The following SLC1A5 variants were observed in gnomAD, a reference collection of about 807,000 sequenced individuals.
SLC1A5 encodes solute carrier family 1 member 5.
A neutral mutation model predicts 34.9 loss-of-function variants in SLC1A5; 25 were observed. That is an observed-to-expected ratio of 0.72 (90% CI 0.52 to 1.00). SLC1A5 has a LOEUF of 1.00. SLC1A5 is among the 50% of genes least tolerant of loss of function. The probability of loss-of-function intolerance (pLI) is 0.00; values close to 1 mark genes in which losing one functional copy is unlikely to be tolerated. For synonymous variants in SLC1A5, 351 were observed against 341.2 expected, an observed-to-expected ratio of 1.03 and a Z score of -0.32; for missense variants, 637 against 740.0, an observed-to-expected ratio of 0.86 and a Z score of 1.61.
chr19:46,784,206 A>C (rs1021176110), intron 2 of SLC1A5, 62 bp from the exon 3 acceptor site: 4 of 1,256,068 alleles, frequency 3.2e-6, no homozygotes, highest in East Asian at 2.3e-5. Flanking sequence ...ACCCCATGCC[A>C]AGCTAACAAT....
chr19:46,782,850 AC>A (rs754825810), intron 3 of SLC1A5, among the ~76,000 whole-genome samples: 16 of 152,252 alleles, frequency 1.1e-4, no homozygotes, highest in Admixed American at 2.6e-4. Context: ...CTGAGCTGAG[AC>A]CTGGAGGACA....
intron 4 of SLC1A5, 145 bp from the exon 5 acceptor site, chr19:46,779,053 C>G: frequency 1.7e-6 from 1 of 603,470 alleles, no homozygotes; most frequent in Admixed American, 3.2e-5. Flanking sequence ...GGGCACCACT[C>G]CCAGGCCTGG....
intron 1 of SLC1A5, among the ~76,000 whole-genome samples, chr19:46,786,590 T>A (rs2055188134): frequency 6.6e-6 from 1 of 152,094 alleles, no homozygotes; most frequent in Non-Finnish European, 1.5e-5. Flanking sequence ...TTCCCCCAAC[T>A]TCCAGGAAGT....
Position 46,784,139 on chromosome 19 carries a change from A to G in SLC1A5, c.615T>C (p.Ser205=), listed in dbSNP as rs1296574191. ...TGATATTCCTCTCTTCATAGGTGGT[A>G]GAGTACTGTAGGTGGGGTTGGGAAG... ...NLVSAAFRSY[S]TTYEERNITG... Residue 205 remains serine, a synonymous_variant, in exon 3 of 8, where the codon TCT becomes TCC. Coordinates refer to ENST00000542575, the MANE Select transcript of SLC1A5 (RefSeq NM_005628.3). 5 of 1,612,998 alleles carry G rather than the reference A, an allele frequency of 3.1e-6. No homozygotes were observed. The highest frequency in any genetic ancestry group is 3.3e-5 in the Admixed American group (2 of 59,976).
At chr19:46,776,916 CTCA>C in intron 7 of SLC1A5, 56 bp downstream of exon 7, 1 of 1,555,780 alleles carries the variant, frequency 6.4e-7, no homozygotes, top group Non-Finnish European at 8.8e-7. Flanking sequence ...CTCTCACTCA[CTCA>C]TCCTCTTTCC....
At position 46,775,214 on chromosome 19, in the gene SLC1A5, G is replaced by A. The variant is rs1034698891; in HGVS notation, c.*296C>T. ...GTGACCTGCTCCCTGAGACAGGGGA[G>A]GCCAGGCAGGTCACGGTGGGGACGC... On this transcript the variant is annotated 3_prime_UTR_variant, in exon 8 of 8. Transcript: ENST00000542575. 1.8e-6 allele frequency: 2 copies of A among 1,108,056 alleles called. No individual in the cohort carries two copies. The highest frequency in any genetic ancestry group is 3.0e-5 in the South Asian group (1 of 33,786). 68.6% of individuals were successfully genotyped at this position (1,108,056 alleles called of 1,614,324 possible). A position where few individuals can be genotyped will look rare whatever the true frequency, so the allele number is the denominator to read the frequency against.
chr19:46,783,180 C>T (rs1020160261), intron 3 of SLC1A5, among the ~76,000 whole-genome samples: 2 of 152,112 alleles, frequency 1.3e-5, no homozygotes, highest in African/African-American at 2.4e-5. Context: ...AAAAGATCCT[C>T]GGGCGGAGCA....
intron 5 of SLC1A5, 50 bp from the exon 6 acceptor site, chr19:46,777,455 C>G (rs778917139): frequency 6.6e-7 from 1 of 1,522,706 alleles, no homozygotes; most frequent in Non-Finnish European, 8.8e-7. Flanking sequence ...ACCGGGGCTC[C>G]GCCCACCCTC....
intron 4 of SLC1A5, among the ~76,000 whole-genome samples, chr19:46,781,651 G>A (rs897737700): frequency 3.9e-5 from 6 of 151,972 alleles, no homozygotes; most frequent in African/African-American, 1.4e-4. Flanking sequence ...TAGACTACTC[G>A]ATCATCGGTC....
At chr19:46,784,595 C>G in intron 1 of SLC1A5, 36 bp from the exon 2 acceptor site, 9 of 1,613,904 alleles carry the variant, frequency 5.6e-6, no homozygotes, top group Non-Finnish European at 7.6e-6. Context: ...TATTAGATAC[C>G]ATAGTGGGAG....
chr19:46,783,914 A>G (rs1448359793), intron 3 of SLC1A5, among the ~76,000 whole-genome samples, 183 bp downstream of exon 3: 1 of 149,068 alleles, frequency 6.7e-6, no homozygotes, highest in African/African-American at 2.4e-5. Flanking sequence ...GAGCCTGGGC[A>G]CCTGGGGTGG....
chr19:46,787,605 G>A lies in SLC1A5; in HGVS notation c.361C>T (p.Pro121Ser). 1.9e-6 allele frequency: 3 copies of A among 1,561,834 alleles called. No individual in the cohort carries two copies. Among genetic ancestry groups the A allele is most frequent in the Non-Finnish European group, 1.7e-6 (2 of 1,155,948 alleles). Residue 121 changes from proline to serine, a missense_variant, in exon 1 of 8, where the codon CCC (proline) becomes TCC (serine). By Grantham distance (74) the Pro-to-Ser change is moderately conservative (BLOSUM62 -1). Coordinates refer to ENST00000542575, the MANE Select transcript of SLC1A5 (RefSeq NM_005628.3). This position sits in a 1 kb window ranked among gnomAD's most constrained non-coding sequence, Gnocchi z 5.2. ...GCGCCCAGACGGCCGAGCGCGCCGG[G>A]GTCCAGGCTGGCGGCGCCGCCGATC... ...SLIGGAASLD[P>S]GALGRLGAWA...
intron 1 of SLC1A5, among the ~76,000 whole-genome samples, chr19:46,786,504 C>T (rs934468220): frequency 2.0e-5 from 3 of 152,222 alleles, no homozygotes; most frequent in Non-Finnish European, 4.4e-5. Context: ...GACACCAAGC[C>T]TGCCCCAGTC....
rs2055199213 is a variant in SLC1A5 at position 46,787,969 on chromosome 19, G to A, written c.-4C>T. 4 of 1,548,676 alleles carry A rather than the reference G, an allele frequency of 2.6e-6. No homozygotes were observed. Among genetic ancestry groups the A allele is most frequent in the Non-Finnish European group, 3.5e-6 (4 of 1,151,162 alleles). ...CTCGAGGAGGATCGGCCACCATGAT[G>A]GGAAGCACCGGGGTTTCTTAGCGCC... On this transcript the variant is annotated 5_prime_UTR_variant, in exon 1 of 8. Transcript: ENST00000542575. The surrounding 1 kb of genome is among the most constrained non-coding windows in gnomAD (Gnocchi z 5.2).
rs542023081 is a variant in SLC1A5, at chr19:46,777,326, G to A, written c.1138C>T (p.Pro380Ser). The change falls in exon 6 of 8, where the codon CCC (proline) becomes TCC (serine). Residue 380 changes from proline (P) to serine (S), a missense_variant. Physicochemically the swap from Pro to Ser is moderately conservative, Grantham distance 74. Transcript: ENST00000542575. ...TCCATGTTGACGGTGGCGCCGATGGGCAGGATGAAACGGCTGATGTGCTTG... is the reference window on the plus strand; with the variant it reads ...TCCATGTTGACGGTGGCGCCGATGGACAGGATGAAACGGCTGATGTGCTTG... Reference protein sequence around the residue: ...VAKHISRFILPIGATVNMDGA... With the variant: ...VAKHISRFILSIGATVNMDGA... The A allele has an allele frequency of 6.2e-7, 1 of 1,613,790 alleles. No homozygotes were observed. The highest frequency in any genetic ancestry group is 8.5e-7 in the Non-Finnish European group (1 of 1,179,978).
intron 4 of SLC1A5, among the ~76,000 whole-genome samples, chr19:46,781,068 C>G (rs1192326939): frequency 2.6e-5 from 4 of 152,204 alleles, no homozygotes; most frequent in East Asian, 1.9e-4. Context: ...GCGATGTGCT[C>G]TGCCCTTGAA....
chr19:46,782,856 A>T (rs2055158003), intron 3 of SLC1A5, among the ~76,000 whole-genome samples: 1 of 152,182 alleles, frequency 6.6e-6, no homozygotes, highest in Non-Finnish European at 1.5e-5. Context: ...TGAGACCTGG[A>T]GGACAAGAGG....
chr19:46,777,034 G>A lies in SLC1A5; in HGVS notation c.1329C>T (p.Leu443=), dbSNP rs199711927. The A allele has an allele frequency of 4.0e-5, 64 of 1,613,868 alleles. No individual in the cohort carries two copies. Among genetic ancestry groups the A allele is most frequent in the Admixed American group, 2.3e-4 (14 of 59,994 alleles). The change falls in exon 7 of 8, where the codon CTC becomes CTT. Residue 443 remains leucine (L), a synonymous_variant. Coordinates refer to ENST00000542575, the MANE Select transcript of SLC1A5 (RefSeq NM_005628.3). ...AGGVLTLAII[L]EAVNLPVDHI... is the part of the protein sequence containing the mutation. ...GGTCGACCGGGAGGTTGACTGCTTCGAGGATGATGGCCAGAGTGAGGACAC... is the reference window on the plus strand; with the variant it reads ...GGTCGACCGGGAGGTTGACTGCTTCAAGGATGATGGCCAGAGTGAGGACAC...
chr19:46,787,640 A>G lies in SLC1A5; in HGVS notation c.326T>C (p.Val109Ala). The change falls in exon 1 of 8, where the codon GTG becomes GCG. Residue 109 changes from valine to alanine, a missense_variant. Physicochemically the swap from Val to Ala is moderately conservative, Grantham distance 64 (BLOSUM62 0). Coordinates refer to ENST00000542575, the MANE Select transcript of SLC1A5 (RefSeq NM_005628.3). This position sits in a 1 kb window ranked among gnomAD's most constrained non-coding sequence, Gnocchi z 5.2. ...GGCGGCGCCGCCGATCAAGCTGCAC[A>G]CCACCAGCGGCAAGATGATCATCCG... ...LLRMIILPLVVCSLIGGAASL... is the reference protein window; with the variant it reads ...LLRMIILPLVACSLIGGAASL... 6.3e-7 allele frequency: 1 copy of G among 1,583,174 alleles called. No homozygotes were observed. Among genetic ancestry groups the G allele is most frequent in the Non-Finnish European group, 8.6e-7 (1 of 1,168,128 alleles).
Sources: gnomAD v4.1 joint callset for allele counts (sites outside exome capture counted in the v4.1 genomes callset) on GRCh38, gnomAD v4.1.1 for gene constraint, Gnocchi (gnomAD v3.1) non-coding constraint, MANE v1.5 for transcripts, NCBI Gene and HGNC (gene_info 2026-07-23, HGNC 2026-07-21) for gene names.